C6orf58: variants seen among roughly 807,000 people sequenced by gnomAD.
C6orf58 encodes chromosome 6 open reading frame 58.
In C6orf58, 30 loss-of-function variants were observed where a neutral mutation model predicts 37.0. The observed-to-expected ratio is 0.81, with a 90% CI of 0.61 to 1.10. C6orf58 has a LOEUF of 1.10. Among genes scored for constraint, C6orf58 ranks in the 50% least tolerant of loss-of-function variants. The probability of loss-of-function intolerance (pLI) is 0.00; values close to 1 mark genes in which losing one functional copy is unlikely to be tolerated. For missense variants in C6orf58, 368 were observed against 387.5 expected, an observed-to-expected ratio of 0.95 and a Z score of 0.42; for synonymous variants, 143 against 134.1, an observed-to-expected ratio of 1.07 and a Z score of -0.46.
In C6orf58 at chr6:127,580,371, G is replaced by C. The variant is rs756408027; in HGVS notation, c.495G>C (p.Glu165Asp). The part of the protein sequence containing the change: ...QVRLLPPPKN[E>D]RKFCYDVSSC... ...GGCTTTTGCCCCCACCCAAGAATGAGAGGAAGTTTTGTTATGATGTTTCTA... is the reference window on the plus strand; with the variant it reads ...GGCTTTTGCCCCCACCCAAGAATGACAGGAAGTTTTGTTATGATGTTTCTA... Residue 165 changes from glutamate (E) to aspartate (D), a missense_variant, in exon 3 of 6, where the codon GAG becomes GAC. By Grantham distance (45) the Glu-to-Asp change is conservative. Coordinates refer to ENST00000329722, the MANE Select transcript of C6orf58 (RefSeq NM_001010905.3). The C allele has an allele frequency of 1.2e-6, 2 of 1,613,152 alleles. No individual in the cohort carries two copies. Among genetic ancestry groups the C allele is most frequent in the Non-Finnish European group, 1.7e-6 (2 of 1,179,330 alleles).
chr6:127,578,701 C>T lies in C6orf58; in HGVS notation c.317C>T (p.Pro106Leu), dbSNP rs759236401. 63 of 1,612,288 alleles carry T rather than the reference C, an allele frequency of 3.9e-5. 1 individual carries two copies. Among genetic ancestry groups the T allele is most frequent in the Non-Finnish European group, 5.0e-5 (59 of 1,178,788 alleles). ...WQYRTGRLAD[P>L]TRRTNCGYES... The stretch of plus-strand genomic sequence containing the variant: ...TCTCCTCCAGGCAGATTAGCTGATC[C>T]AACCCGAAGGACAAACTGTGGCTAT... The change falls in exon 2 of 6, where the codon CCA (proline) becomes CTA (leucine). Residue 106 changes from proline to leucine, a missense_variant. By Grantham distance (98) the Pro-to-Leu change is moderately conservative. Transcript: ENST00000329722.
At position 127,578,772 on chromosome 6, in the gene C6orf58, G is replaced by T; in HGVS notation, c.388G>T (p.Asp130Tyr). 1 of 1,608,494 alleles carries T rather than the reference G, an allele frequency of 6.2e-7. No individual in the cohort carries two copies. ...CATCTCTGTGGACAGTTGGTGGGCTGGTATGTTCGTTTAAGTGGCAAAATA... is the reference window on the plus strand; with the variant it reads ...CATCTCTGTGGACAGTTGGTGGGCTTGTATGTTCGTTTAAGTGGCAAAATA... ...MCISVDSWWA[D>Y]LNYFLSSLPF... Residue 130 changes from aspartate (D) to tyrosine (Y), a missense_variant and splice_region_variant, in exon 2 of 6, where the codon GAT becomes TAT. Physicochemically the swap from Asp to Tyr is radical, Grantham distance 160. Coordinates refer to ENST00000329722, the MANE Select transcript of C6orf58 (RefSeq NM_001010905.3).
chr6:127,590,438 T>A (rs1775150366), intron 5 of C6orf58, 113 bp downstream of exon 5: 7 of 698,358 alleles, frequency 1.0e-5, no homozygotes, highest in Non-Finnish European at 1.2e-5. Context: ...AAATAAAGAT[T>A]TCCCTGTGGG....
chr6:127,578,229 C>T (rs964511718), intron 1 of C6orf58, among the ~76,000 whole-genome samples: 1 of 152,062 alleles, frequency 6.6e-6, no homozygotes, highest in Non-Finnish European at 1.5e-5. Flanking sequence ...TGCTTTTTCT[C>T]ACCTCACATC....
At chr6:127,586,500 G>T (rs1225913006) in intron 4 of C6orf58, among the ~76,000 whole-genome samples, 1 of 152,178 alleles carries the variant, frequency 6.6e-6, no homozygotes, top group Non-Finnish European at 1.5e-5. Context: ...GAGCATGCGG[G>T]CATGCTCAGA....
chr6:127,588,524 A>G (rs879278734), intron 4 of C6orf58, among the ~76,000 whole-genome samples: 11 of 152,184 alleles, frequency 7.2e-5, no homozygotes, highest in Admixed American at 1.3e-4. Flanking sequence ...TGTAGCTTGC[A>G]TATACTCAAA....
chr6:127,581,203 A>G lies in C6orf58; in HGVS notation c.595A>G (p.Lys199Glu). The change falls in exon 4 of 6, where the codon AAG (lysine) becomes GAG (glutamate). Residue 199 changes from lysine to glutamate, a missense_variant. By Grantham distance (56) the Lys-to-Glu change is moderately conservative. Coordinates refer to ENST00000329722, the MANE Select transcript of C6orf58 (RefSeq NM_001010905.3). ...TTAGTATTTGCAGTCACCTTTTAGT[A>G]AGTTTGATGATCTGTTGAAGTACTT... ...FYQYLQSPFS[K>E]FDDLLKYLWA... 1 of 1,509,428 alleles carries G rather than the reference A, an allele frequency of 6.6e-7. No homozygotes were observed. The highest frequency in any genetic ancestry group is 1.4e-5 in the South Asian group (1 of 71,840). 93.5% of individuals were successfully genotyped at this position (1,509,428 alleles called of 1,614,324 possible).
chr6:127,578,693 A>G lies in C6orf58; in HGVS notation c.309A>G (p.Leu103=), dbSNP rs766048992. ...QYGWQYRTGR[L]ADPTRRTNCG... ...GCATCCTCTCTCCTCCAGGCAGATTAGCTGATCCAACCCGAAGGACAAACT... is the reference window on the plus strand; with the variant it reads ...GCATCCTCTCTCCTCCAGGCAGATTGGCTGATCCAACCCGAAGGACAAACT... Residue 103 remains leucine (L), a synonymous_variant, in exon 2 of 6, where the codon TTA becomes TTG. Coordinates refer to ENST00000329722, the MANE Select transcript of C6orf58 (RefSeq NM_001010905.3). 5.0e-6 allele frequency: 8 copies of G among 1,611,802 alleles called. No individual in the cohort carries two copies. The East Asian group carries it at 6.7e-5, about 13-fold the overall frequency.
intron 4 of C6orf58, among the ~76,000 whole-genome samples, chr6:127,584,264 A>G (rs1449346779): frequency 6.6e-6 from 1 of 152,352 alleles, no homozygotes; most frequent in African/African-American, 2.4e-5. Flanking sequence ...CCAAAAATAT[A>G]TCACTTGAGG....
intron 4 of C6orf58, among the ~76,000 whole-genome samples, chr6:127,585,898 C>T (rs546568634): frequency 3.0e-4 from 46 of 152,226 alleles, no homozygotes; most frequent in Middle Eastern, 3.4e-3. Context: ...ATTCCATACC[C>T]GGATAAAATT....
chr6:127,589,263 T>C (rs721507), intron 4 of C6orf58, among the ~76,000 whole-genome samples: 52,963 of 152,016 alleles, frequency 0.35, 10,319 homozygotes, highest in East Asian at 0.61. Flanking sequence ...GCCCTTCACC[T>C]TTGTGAAGAA....
At chr6:127,588,066 C>T (rs1206881253) in intron 4 of C6orf58, among the ~76,000 whole-genome samples, 2 of 152,172 alleles carry the variant, frequency 1.3e-5, no homozygotes, top group African/African-American at 4.8e-5. Context: ...TGCTGCTCTG[C>T]TGATCTTTCC....
rs145162146 is a variant in C6orf58, at chr6:127,590,263, C to T, written c.851C>T (p.Thr284Ile). 6.2e-7 allele frequency: 1 copy of T among 1,613,386 alleles called. No individual in the cohort carries two copies. The highest frequency in any genetic ancestry group is 8.5e-7 in the Non-Finnish European group (1 of 1,179,796). Residue 284 changes from threonine to isoleucine, a missense_variant, in exon 5 of 6, where the codon ACT becomes ATT. Thr to Ile is a moderately conservative substitution (Grantham distance 89). Coordinates refer to ENST00000329722, the MANE Select transcript of C6orf58 (RefSeq NM_001010905.3). ...TDVAPFISDF[T>I]AFQNVVLVLL... is the part of the protein sequence containing the mutation. ...GTAGCCCCTTTCATCAGTGACTTTA[C>T]TGCTTTTCAGAATGTAGTCCTGGTT... is the stretch of plus-strand genomic sequence containing the variant.
intron 4 of C6orf58, among the ~76,000 whole-genome samples, chr6:127,586,800 A>G (rs903166304): frequency 1.3e-5 from 2 of 152,158 alleles, no homozygotes; most frequent in Non-Finnish European, 2.9e-5. Flanking sequence ...TATCATTTAC[A>G]CTTATATCCT....
Position 127,577,357 on chromosome 6 carries a change from C to T in C6orf58, c.172C>T (p.Leu58Phe), listed in dbSNP as rs763964591. ...GTACATTATTAATCCCTGGGTATAC[C>T]TTGAGAGAATGGGGATGTATAAAAT... is the stretch of plus-strand genomic sequence containing the variant. The part of the protein sequence containing the change: ...SMYIINPWVY[L>F]ERMGMYKIIL... Residue 58 changes from leucine (L) to phenylalanine (F), a missense_variant, in exon 1 of 6, where the codon CTT becomes TTT. By Grantham distance (22) the Leu-to-Phe change is conservative. Transcript: ENST00000329722. The T allele has an allele frequency of 8.1e-6, 13 of 1,613,446 alleles. No homozygotes were observed. In the South Asian group the frequency reaches 1.4e-4, roughly 18 times the overall value.
At chr6:127,590,451 T>C (rs1562161927) in intron 5 of C6orf58, 126 bp downstream of exon 5, 1 of 654,332 alleles carries the variant, frequency 1.5e-6, no homozygotes, top group Non-Finnish European at 2.6e-6. Context: ...CCTGTGGGTA[T>C]CCATTCTATT....
chr6:127,581,450 G>T (rs1055097307), intron 4 of C6orf58, among the ~76,000 whole-genome samples, 168 bp downstream of exon 4: 38 of 150,730 alleles, frequency 2.5e-4, no homozygotes, highest in African/African-American at 8.0e-4. Flanking sequence ...ACATGATCAG[G>T]CTTAAAAAAG....
At chr6:127,581,840 T>C (rs373698625) in intron 4 of C6orf58, among the ~76,000 whole-genome samples, 1 of 152,172 alleles carries the variant, frequency 6.6e-6, no homozygotes, top group African/African-American at 2.4e-5. Flanking sequence ...ATTTGCCTTG[T>C]ATAGGCATGG....
chr6:127,578,923 T>A lies in C6orf58; in HGVS notation c.388+151T>A, dbSNP rs552485284. The A allele has an allele frequency of 3.2e-4, 183 of 571,784 alleles. 2 individuals carry two copies. In the East Asian group the frequency reaches 4.7e-3, roughly 15 times the overall value. 35.4% of individuals were successfully genotyped at this position (571,784 alleles called of 1,614,324 possible). On this transcript the variant is annotated intron_variant, in intron 2 of 5. Transcript: ENST00000329722. Reference sequence around the variant, plus strand: ...CACCGTGTACCTTATGGCCTTTAGGTCACTTTAAGGGATTTAAGAGCCACA... The same window carrying A: ...CACCGTGTACCTTATGGCCTTTAGGACACTTTAAGGGATTTAAGAGCCACA...
Sources: gnomAD v4.1 joint callset for allele counts (sites outside exome capture counted in the v4.1 genomes callset) on GRCh38, gnomAD v4.1.1 for gene constraint, MANE v1.5 for transcripts, NCBI Gene and HGNC (gene_info 2026-07-23, HGNC 2026-07-21) for gene names.